The following TMEM267 variants were observed in gnomAD, a reference collection of about 807,000 sequenced individuals.
TMEM267 encodes the protein transmembrane protein 267.
Under a neutral mutation model 19.3 loss-of-function variants are expected in TMEM267, and 20 were observed. That is an observed-to-expected ratio of 1.04 (90% CI 0.73 to 1.51). TMEM267 has a LOEUF of 1.51. TMEM267 is among the 40% of genes most tolerant of loss of function. The pLI, the probability that TMEM267 is intolerant of heterozygous loss-of-function variation, is 0.00. For missense variants in TMEM267, 242 were observed against 261.9 expected (o/e 0.92, Z 0.52); for synonymous variants, 88 against 90.3 (o/e 0.97, Z 0.15).
chr5:43,464,754 T>C (rs1012940457), intron 1 of TMEM267, among the ~76,000 whole-genome samples: 1 of 152,236 alleles, frequency 6.6e-6, no homozygotes, highest in African/African-American at 2.4e-5. Flanking sequence ...GCTAGCCATA[T>C]GTAGAAAGCT....
intron 1 of TMEM267, chr5:43,454,363 G>A: frequency 6.2e-6 from 1 of 160,082 alleles, no homozygotes. Context: ...ATATCCGTTG[G>A]GTTTGTGTAC....
chr5:43,465,191 A>C (rs1460491165), intron 1 of TMEM267, among the ~76,000 whole-genome samples: 1 of 152,228 alleles, frequency 6.6e-6, no homozygotes, highest in East Asian at 1.9e-4. Context: ...ATGCAGCCAA[A>C]AAACACATGA....
At chr5:43,472,724 T>G (rs1744157693) in intron 1 of TMEM267, among the ~76,000 whole-genome samples, 1 of 149,952 alleles carries the variant, frequency 6.7e-6, no homozygotes, top group Admixed American at 6.7e-5. Context: ...CTCACTTATT[T>G]GTGGGATCTA....
chr5:43,457,111 ATT>A (rs1253537458), intron 1 of TMEM267, among the ~76,000 whole-genome samples: 11 of 152,270 alleles, frequency 7.2e-5, no homozygotes, highest in Non-Finnish European at 1.3e-4. Context: ...ACAAACAAAA[ATT>A]ACACAGTTAA....
intron 1 of TMEM267, among the ~76,000 whole-genome samples, chr5:43,459,447 G>T (rs548212419): frequency 2.0e-5 from 3 of 151,980 alleles, no homozygotes; most frequent in Non-Finnish European, 4.4e-5. Flanking sequence ...TGGGGCAAAA[G>T]AAAACATCAC....
intron 1 of TMEM267, among the ~76,000 whole-genome samples, chr5:43,461,095 C>T (rs1193529817): frequency 6.6e-6 from 1 of 152,184 alleles, no homozygotes; most frequent in East Asian, 1.9e-4. Flanking sequence ...AACAGCTCAA[C>T]CACAGCAAGA....
chr5:43,481,918 CTGCAA>C, intron 1 of TMEM267, among the ~76,000 whole-genome samples: 1 of 152,330 alleles, frequency 6.6e-6, no homozygotes, highest in Admixed American at 6.5e-5. Context: ...TCTCGGCTCA[CTGCAA>C]GCTCCCCCTC....
intron 1 of TMEM267, among the ~76,000 whole-genome samples, chr5:43,482,504 T>C (rs1744848213): frequency 6.6e-6 from 1 of 152,242 alleles, no homozygotes; most frequent in African/African-American, 2.4e-5. Flanking sequence ...CTTTTGTTGA[T>C]AAGGTTCCTT....
rs1380291863 is a variant in TMEM267, at chr5:43,445,337, A to C, written c.*885T>G. ...GTATATAAACAAACTGATAGCAACTAAAATAATTTTAATGGTACATTCAGG... is the reference window on the plus strand; with the variant it reads ...GTATATAAACAAACTGATAGCAACTCAAATAATTTTAATGGTACATTCAGG... On this transcript the variant is annotated 3_prime_UTR_variant, in exon 3 of 3. Transcript: ENST00000397080. The C allele has an allele frequency of 6.6e-6, 1 of 152,200 alleles. No individual in the cohort carries two copies. Among genetic ancestry groups the C allele is most frequent in the Non-Finnish European group, 1.5e-5 (1 of 68,004 alleles). The allele number at this position is 152,200 out of a possible 1,614,324, so 9.4% of individuals were successfully genotyped here. A position where few individuals can be genotyped will look rare whatever the true frequency, so the allele number is the denominator to read the frequency against.
At chr5:43,461,434 C>A (rs1234901680) in intron 1 of TMEM267, among the ~76,000 whole-genome samples, 1 of 152,148 alleles carries the variant, frequency 6.6e-6, no homozygotes, top group African/African-American at 2.4e-5. Context: ...CTTTGCCTTT[C>A]ACCTTAGGTA....
At chr5:43,455,378 G>A (rs998798116) in intron 1 of TMEM267, among the ~76,000 whole-genome samples, 3 of 151,526 alleles carry the variant, frequency 2.0e-5, no homozygotes, top group African/African-American at 7.3e-5. Flanking sequence ...GGCTGTAATC[G>A]TGCTACTGCA....
At chr5:43,446,692 G>C in intron 2 of TMEM267, 135 bp from the exon 3 acceptor site, 3 of 498,250 alleles carry the variant, frequency 6.0e-6, no homozygotes, top group Non-Finnish European at 1.0e-5. Flanking sequence ...GCCACTTCAG[G>C]ATACATATAC....
rs146611786 is a variant in TMEM267 at position 43,457,497 on chromosome 5, G to T, written c.-74-3454C>A. Among the ~76,000 whole-genome samples the T allele has an allele frequency of 4.9e-4, 75 of 152,240 alleles. No individual in the cohort carries two copies. In the East Asian group the frequency reaches 0.013, roughly 27 times the overall value. ...AATCATGGTGGAAGGTAAAGAGGAA[G>T]GAGTCACGTTTTACATGGCCAGAGT... On this transcript the variant is annotated intron_variant, in intron 1 of 2. Coordinates refer to ENST00000397080, the MANE Select transcript of TMEM267 (RefSeq NM_022483.5).
At chr5:43,448,993 A>C (rs1368145531) in intron 2 of TMEM267, among the ~76,000 whole-genome samples, 4 of 152,168 alleles carry the variant, frequency 2.6e-5, no homozygotes, top group Non-Finnish European at 5.9e-5. Context: ...AAAAAAAGAT[A>C]ATAATTGATT....
intron 1 of TMEM267, among the ~76,000 whole-genome samples, chr5:43,460,543 A>G (rs1743198733): frequency 6.6e-6 from 1 of 151,966 alleles, no homozygotes; most frequent in African/African-American, 2.4e-5. Context: ...GAGGCACAGA[A>G]GGGATTAAAA....
intron 2 of TMEM267, among the ~76,000 whole-genome samples, chr5:43,451,994 C>T (rs1742622259): frequency 6.6e-6 from 1 of 150,414 alleles, no homozygotes; most frequent in African/African-American, 2.5e-5. Flanking sequence ...GGGAGAATTG[C>T]CTGAGCCCAA....
upstream of TMEM267, chr5:43,484,043 C>T (rs1387783634): frequency 6.6e-6 from 1 of 152,214 alleles, no homozygotes; most frequent in African/African-American, 2.4e-5. Flanking sequence ...ACCGTAGGCC[C>T]CGACCCCTAA....
At chr5:43,479,188 GTTCA>G (rs1744608528) in intron 1 of TMEM267, among the ~76,000 whole-genome samples, 1 of 151,798 alleles carries the variant, frequency 6.6e-6, no homozygotes, top group South Asian at 2.1e-4. Context: ...ATAGAAAGAT[GTTCA>G]TTAAGTATTC....
intron 1 of TMEM267, among the ~76,000 whole-genome samples, chr5:43,465,535 T>C (rs1223704261): frequency 2.0e-5 from 3 of 152,140 alleles, no homozygotes; most frequent in Non-Finnish European, 4.4e-5. Flanking sequence ...CTATTCACAA[T>C]AGCAAAGACT....
Sources: gnomAD v4.1 joint callset for allele counts (sites outside exome capture counted in the v4.1 genomes callset) on GRCh38, gnomAD v4.1.1 for gene constraint, MANE v1.5 for transcripts, NCBI Gene and HGNC (gene_info 2026-07-23, HGNC 2026-07-21) for gene names.